MCC: variants seen among roughly 807,000 people sequenced by gnomAD.
The protein encoded by MCC is colorectal mutant cancer protein.
A neutral mutation model predicts 116.2 loss-of-function variants in MCC; 90 were observed. The observed-to-expected ratio is 0.77, with a 90% CI of 0.65 to 0.92. The LOEUF (loss-of-function observed/expected upper bound fraction) is 0.92. Ranked by LOEUF, MCC falls within the 40% of genes least tolerant of loss-of-function variation. The pLI is 0.00. For missense variants in MCC, 1,516 were observed against 1,312.2 expected (o/e 1.16, Z -2.40); for synonymous variants, 578 against 510.5 (o/e 1.13, Z -1.78).
chr5:113,176,506 A>G (rs1260559503), intron 3 of MCC, among the ~76,000 whole-genome samples: 1 of 152,246 alleles, frequency 6.6e-6, no homozygotes, highest in Non-Finnish European at 1.5e-5. Context: ...CTGTTCTCAA[A>G]GTCCAACAGC....
intron 11 of MCC, among the ~76,000 whole-genome samples, chr5:113,073,149 G>A (rs11241190): frequency 0.5 from 75,245 of 151,158 alleles, 22,190 homozygotes; most frequent in East Asian, 0.68. Flanking sequence ...CCGAGACATT[G>A]CTCTTCTTCC....
At chr5:113,234,667 T>C (rs1179961643) in intron 3 of MCC, 6 of 152,188 alleles carry the variant, frequency 3.9e-5, no homozygotes, top group East Asian at 1.9e-4. Flanking sequence ...GCAGATATTA[T>C]ATATAGAAAA....
intron 16 of MCC, among the ~76,000 whole-genome samples, chr5:113,046,994 A>T (rs4235779): frequency 6.6e-6 from 1 of 152,064 alleles, no homozygotes; most frequent in Non-Finnish European, 1.5e-5. Context: ...CGGGCCATTA[A>T]ACGTGCTGTC....
In MCC at chr5:113,068,111, C is replaced by G. The variant is rs1027721329; in HGVS notation, c.1998G>C (p.Gln666His). The change falls in exon 13 of 19, where the codon CAG (glutamine) becomes CAC (histidine). Residue 666 changes from glutamine (Q) to histidine (H), a missense_variant. Physicochemically the swap from Gln to His is conservative, Grantham distance 24. Coordinates refer to ENST00000408903, the MANE Select transcript of MCC (RefSeq NM_001085377.2). ...AGGACCCCACGCCCGCCGCTCGGAA[C>G]TGCCCCAGGATGAGGCTCTGCTCAC... ...AESEQSLILG[Q>H]FRAAGVGSSP... The G allele has an allele frequency of 3.1e-6, 5 of 1,614,112 alleles. No homozygotes were observed. In the African/African-American group the frequency reaches 5.3e-5, roughly 17 times the overall value.
rs572003897 is a variant in MCC at position 113,209,641 on chromosome 5, T to G, written c.628-58219A>C. ...CAAGCAAAAAGCAAGGTATGTTTGT[T>G]CTCACTCCAAGACACCACTGAACTC... On this transcript the variant is annotated intron_variant, in intron 3 of 18. Transcript: ENST00000408903. Among the ~76,000 whole-genome samples, 4 of 152,296 alleles carry G rather than the reference T, an allele frequency of 2.6e-5. No individual in the cohort carries two copies. In the South Asian group the frequency reaches 6.2e-4, roughly 24 times the overall value.
intron 11 of MCC, among the ~76,000 whole-genome samples, chr5:113,074,712 A>G (rs936523224): frequency 6.6e-6 from 1 of 152,258 alleles, no homozygotes; most frequent in South Asian, 2.1e-4. Flanking sequence ...AGGAGCTGAA[A>G]ACCACGGCAC....
intron 2 of MCC, among the ~76,000 whole-genome samples, chr5:113,377,366 G>C (rs2150391054): frequency 1.3e-5 from 2 of 152,238 alleles, no homozygotes. Flanking sequence ...TGGGAAACAT[G>C]ATGTGATATA....
intron 3 of MCC, among the ~76,000 whole-genome samples, chr5:113,235,904 C>T (rs1764110739): frequency 6.6e-6 from 1 of 152,184 alleles, no homozygotes; most frequent in East Asian, 1.9e-4. Flanking sequence ...CCTCCTTGAC[C>T]TGATTTTGGT....
At chr5:113,427,261 T>C (rs1410128843) in intron 1 of MCC, among the ~76,000 whole-genome samples, 1 of 152,190 alleles carries the variant, frequency 6.6e-6, no homozygotes, top group African/African-American at 2.4e-5. Flanking sequence ...TAATAAGAAG[T>C]TGGTCATTTC....
intron 3 of MCC, among the ~76,000 whole-genome samples, chr5:113,235,177 T>TA (rs1561475857): frequency 6.6e-6 from 1 of 152,162 alleles, no homozygotes; most frequent in Non-Finnish European, 1.5e-5. Flanking sequence ...ATGGGCTTTT[T>TA]AAAAAATCAA....
chr5:113,180,300 C>T (rs1197031264), intron 3 of MCC, among the ~76,000 whole-genome samples: 1 of 152,136 alleles, frequency 6.6e-6, no homozygotes, highest in Non-Finnish European at 1.5e-5. Flanking sequence ...TAATCTTATA[C>T]ATTTCAAGAC....
intron 2 of MCC, among the ~76,000 whole-genome samples, chr5:113,347,737 C>T (rs1325135377): frequency 2.0e-5 from 3 of 152,000 alleles, no homozygotes; most frequent in Admixed American, 6.6e-5. Flanking sequence ...CCAATAACAA[C>T]ATTAAATGTA....
At chr5:113,470,587 T>A (rs1332564973) in intron 1 of MCC, among the ~76,000 whole-genome samples, 33 of 152,182 alleles carry the variant, frequency 2.2e-4, no homozygotes, top group Non-Finnish European at 1.0e-4. Context: ...GTGGGTAACC[T>A]GACCTTTCCC....
At chr5:113,071,603 C>T (rs1754048916) in intron 11 of MCC, among the ~76,000 whole-genome samples, 1 of 152,198 alleles carries the variant, frequency 6.6e-6, no homozygotes, top group Admixed American at 6.5e-5. Flanking sequence ...AAGTCACCCT[C>T]CACATGCAAG....
chr5:113,099,464 T>C (rs1330171900), intron 8 of MCC, among the ~76,000 whole-genome samples: 1 of 152,242 alleles, frequency 6.6e-6, no homozygotes, highest in African/African-American at 2.4e-5. Flanking sequence ...CAGGTAACTA[T>C]ATATTTTACT....
At chr5:113,127,219 T>C (rs934384706) in intron 5 of MCC, among the ~76,000 whole-genome samples, 2 of 152,258 alleles carry the variant, frequency 1.3e-5, no homozygotes, top group Admixed American at 6.5e-5. Context: ...CCATGGTATA[T>C]ACGTACCACA....
intron 2 of MCC, among the ~76,000 whole-genome samples, chr5:113,353,984 G>C (rs898111778): frequency 5.9e-5 from 9 of 152,120 alleles, no homozygotes; most frequent in African/African-American, 1.9e-4. Flanking sequence ...GTCAATATCA[G>C]CAATTTGCCA....
chr5:113,327,444 G>T (rs534058087), intron 3 of MCC, among the ~76,000 whole-genome samples: 185 of 150,288 alleles, frequency 1.2e-3, no homozygotes, highest in African/African-American at 4.3e-3. Context: ...TACTCGGGAG[G>T]CTGAGGCAGA....
chr5:113,413,073 T>C (rs1049286534), intron 1 of MCC, among the ~76,000 whole-genome samples: 2 of 152,204 alleles, frequency 1.3e-5, no homozygotes, highest in African/African-American at 4.8e-5. Flanking sequence ...TGGATTACGT[T>C]GATTGATTTG....
Sources: allele counts gnomAD v4.1 joint callset (sites outside exome capture counted in the v4.1 genomes callset), GRCh38; gene constraint gnomAD v4.1.1; transcripts MANE v1.5; gene names NCBI Gene and HGNC (gene_info 2026-07-23, HGNC 2026-07-21).